SCEL: variants seen among roughly 807,000 people sequenced by gnomAD.
The protein encoded by SCEL is sciellin.
SCEL carries 113 observed loss-of-function variants against 117.6 expected under a neutral mutation model. The ratio of observed to expected loss-of-function variants is 0.96; its 90% CI spans 0.83 to 1.12. The LOEUF is 1.12. Ranked by LOEUF, SCEL falls within the 50% of genes most tolerant of loss-of-function variation. The pLI is 0.00. For synonymous variants in SCEL, 270 were observed against 256.2 expected, an observed-to-expected ratio of 1.05 and a Z score of -0.51; for missense variants, 785 against 810.8, an observed-to-expected ratio of 0.97 and a Z score of 0.39.
chr13:77,631,188 A>G (rs2090003651), intron 28 of SCEL, among the ~76,000 whole-genome samples: 1 of 152,228 alleles, frequency 6.6e-6, no homozygotes, highest in South Asian at 2.1e-4. Flanking sequence ...TAGGGGGCCC[A>G]GTAGCATTTT....
chr13:77,595,856 T>C (rs1000225491), intron 12 of SCEL, among the ~76,000 whole-genome samples: 10 of 152,176 alleles, frequency 6.6e-5, no homozygotes, highest in African/African-American at 2.2e-4. Flanking sequence ...CTTGACAGGA[T>C]TCACCTATGT....
At position 77,609,544 on chromosome 13, in the gene SCEL, G is replaced by A. The variant is rs529448940; in HGVS notation, c.1277+427G>A. ...CATCCTCAAAGTGAGGAAATTGCAC[G>A]AGGAGCTCTCCCAACACTCCCAAAT... On this transcript the variant is annotated intron_variant, in intron 21 of 32. Transcript: ENST00000349847. Among the ~76,000 whole-genome samples, 84 of 152,240 alleles carry A rather than the reference G, an allele frequency of 5.5e-4. 2 individuals carry two copies. The highest frequency in any genetic ancestry group is 2.0e-3 in the African/African-American group (82 of 41,518).
intron 1 of SCEL, among the ~76,000 whole-genome samples, chr13:77,541,131 T>C (rs888822335): frequency 1.3e-5 from 2 of 152,046 alleles, no homozygotes; most frequent in Middle Eastern, 3.2e-3. Context: ...AATTTATAAT[T>C]AGAAGCTAAA....
In SCEL at chr13:77,613,931, C is replaced by G. The variant is rs768866644; in HGVS notation, c.1427C>G (p.Pro476Arg). 3 of 1,613,124 alleles carry G rather than the reference C, an allele frequency of 1.9e-6. No individual in the cohort carries two copies. Among genetic ancestry groups the G allele is most frequent in the East Asian group, 2.2e-5 (1 of 44,832 alleles). Residue 476 changes from proline (P) to arginine (R), a missense_variant, in exon 24 of 33, where the codon CCC becomes CGC. Physicochemically the swap from Pro to Arg is moderately radical, Grantham distance 103. Transcript: ENST00000349847. ...CTTGATGAACATATTAATGTCAGCC[C>G]CAAAGCTGTCAAAAACACTGATGGG... ...QGLDEHINVS[P>R]KAVKNTDGKQ...
At chr13:77,609,260 G>A (rs778831418) in intron 21 of SCEL, 143 bp downstream of exon 21, 41 of 675,624 alleles carry the variant, frequency 6.1e-5, no homozygotes, top group Non-Finnish European at 9.4e-5. Context: ...CATCTGAAAT[G>A]TTAAAAATTT....
intron 9 of SCEL, among the ~76,000 whole-genome samples, chr13:77,586,399 A>G (rs563718853): frequency 6.6e-6 from 1 of 152,148 alleles, no homozygotes; most frequent in South Asian, 2.1e-4. Flanking sequence ...CTTTGATTCC[A>G]GGAATTCCTC....
chr13:77,544,698 T>G (rs180729482), intron 1 of SCEL, among the ~76,000 whole-genome samples: 1 of 151,966 alleles, frequency 6.6e-6, no homozygotes, highest in Non-Finnish European at 1.5e-5. Context: ...TTATTAGAGA[T>G]AGAAAATACT....
At chr13:77,575,084 G>A (rs1005123546) in intron 9 of SCEL, among the ~76,000 whole-genome samples, 3 of 151,992 alleles carry the variant, frequency 2.0e-5, no homozygotes, top group African/African-American at 7.3e-5. Flanking sequence ...TTCCTCCCTT[G>A]ACCTCTCTGT....
chr13:77,626,111 G>T (rs942250698), intron 27 of SCEL, among the ~76,000 whole-genome samples: 1 of 152,300 alleles, frequency 6.6e-6, no homozygotes, highest in African/African-American at 2.4e-5. Context: ...AGTTTTACGT[G>T]GCTGGGGAGT....
intron 27 of SCEL, among the ~76,000 whole-genome samples, chr13:77,621,132 T>TC (rs1025208981): frequency 5.3e-5 from 8 of 152,088 alleles, no homozygotes; most frequent in African/African-American, 1.9e-4. Context: ...GCTGCCAATC[T>TC]CCCCTTCTGC....
At chr13:77,592,145 T>C (rs1016751922) in intron 11 of SCEL, among the ~76,000 whole-genome samples, 1 of 152,210 alleles carries the variant, frequency 6.6e-6, no homozygotes, top group African/African-American at 2.4e-5. Context: ...ACTTTGAAGT[T>C]TAAAACTTAT....
In SCEL at chr13:77,604,431, C is replaced by CT. The variant is rs778693427; in HGVS notation, c.1157+17dup. 7.1e-6 allele frequency: 11 copies of CT among 1,555,676 alleles called. No homozygotes were observed. In the African/African-American group the frequency reaches 1.5e-4, roughly 22 times the overall value. On this transcript the variant is annotated intron_variant, in intron 19 of 32. Transcript: ENST00000349847. ...ATATTACGAGGTAAGACATTTAAAGCTCCCCCCTCCCCTTTGTTTGGCATT... is the reference window on the plus strand; with the variant it reads ...ATATTACGAGGTAAGACATTTAAAGCTTCCCCCCTCCCCTTTGTTTGGCATT...
At chr13:77,538,599 A>G (rs1297970755) in intron 1 of SCEL, among the ~76,000 whole-genome samples, 1 of 152,164 alleles carries the variant, frequency 6.6e-6, no homozygotes, top group African/African-American at 2.4e-5. Context: ...GTCGATTACT[A>G]AATTTTTTAA....
chr13:77,624,086 A>T (rs1036277041), intron 27 of SCEL, among the ~76,000 whole-genome samples: 3 of 150,230 alleles, frequency 2.0e-5, no homozygotes, highest in Non-Finnish European at 3.0e-5. Flanking sequence ...TGGCTTGTGG[A>T]AAACTTGTCT....
At position 77,548,939 on chromosome 13, in the gene SCEL, T is replaced by C. The variant is rs140556174; in HGVS notation, c.-19-6918T>C. 3.9e-4 allele frequency among the ~76,000 whole-genome samples: 60 copies of C among 152,324 alleles called. No homozygotes were observed. The East Asian group carries it at 9.4e-3, about 24-fold the overall frequency. On this transcript the variant is annotated intron_variant, in intron 1 of 32. Coordinates refer to ENST00000349847, the MANE Select transcript of SCEL (RefSeq NM_144777.3). ...ATAGTTCCATTGTGCATATATACCC[T>C]TTTTTCTTTATCCATTTGTCTGTTG... is the stretch of plus-strand genomic sequence containing the variant.
intron 32 of SCEL, among the ~76,000 whole-genome samples, chr13:77,643,487 C>A (rs537252479): frequency 6.6e-6 from 1 of 152,000 alleles, no homozygotes; most frequent in African/African-American, 2.4e-5. Flanking sequence ...AGCTACTATC[C>A]GCATTTTCCT....
chr13:77,602,405 A>G (rs1229750249), intron 16 of SCEL: 1 of 484,778 alleles, frequency 2.1e-6, no homozygotes, highest in African/African-American at 2.0e-5. Flanking sequence ...AAATTAAGAA[A>G]TATAAAGGAC....
chr13:77,623,750 G>A (rs928774873), intron 27 of SCEL, among the ~76,000 whole-genome samples: 2 of 152,166 alleles, frequency 1.3e-5, no homozygotes, highest in African/African-American at 4.8e-5. Flanking sequence ...GAGGTTGAGC[G>A]ACAGGTGGGC....
intron 23 of SCEL, 57 bp from the exon 24 acceptor site, chr13:77,613,836 A>C: frequency 7.0e-7 from 1 of 1,426,666 alleles, no homozygotes; most frequent in Non-Finnish European, 9.9e-7. Flanking sequence ...TGCACCTGTC[A>C]AAACAAAAAA....
Sources: allele counts gnomAD v4.1 joint callset (sites outside exome capture counted in the v4.1 genomes callset), GRCh38; gene constraint gnomAD v4.1.1; transcripts MANE v1.5; gene names NCBI Gene and HGNC (gene_info 2026-07-23, HGNC 2026-07-21).